Variants in COPB2 observed in about 807,000 individuals in gnomAD.
COPB2 encodes coat protein complex I subunit beta 2.
A neutral mutation model predicts 120.8 loss-of-function variants in COPB2; 16 were observed. The observed-to-expected ratio is 0.13, with a 90% CI of 0.09 to 0.20. COPB2 has a LOEUF of 0.20. Ranked by LOEUF, COPB2 falls within the 10% of genes least tolerant of loss-of-function variation. The pLI, the probability that COPB2 is intolerant of heterozygous loss-of-function variation, is 1.00. For missense variants in COPB2, 794 were observed against 1,076.5 expected (o/e 0.74, Z 3.67); for synonymous variants, 332 against 366.3 (o/e 0.91, Z 1.07).
chr3:139,377,909 A>G, intron 5 of COPB2, 132 bp downstream of exon 5: 1 of 776,842 alleles, frequency 1.3e-6, no homozygotes, highest in Non-Finnish European at 1.8e-6. Context: ...GAGAAATCCT[A>G]TTTTGACTTC....
chr3:139,360,731 A>G (rs897904158), intron 17 of COPB2, among the ~76,000 whole-genome samples: 2 of 152,174 alleles, frequency 1.3e-5, no homozygotes, highest in Non-Finnish European at 2.9e-5. Context: ...CAATTTGGGT[A>G]AAATCACCTG....
chr3:139,379,713 C>G, intron 2 of COPB2: 1 of 409,122 alleles, frequency 2.4e-6, no homozygotes, highest in Non-Finnish European at 4.4e-6. Flanking sequence ...TCCAGATCCT[C>G]TGTGCTCCAG....
chr3:139,369,409 G>A (rs1338156812), intron 11 of COPB2, 42 bp from the exon 12 acceptor site: 1 of 1,604,416 alleles, frequency 6.2e-7, no homozygotes, highest in South Asian at 1.1e-5. Context: ...GCATTTTTGA[G>A]CCATTACAAA....
chr3:139,363,950 C>T, intron 15 of COPB2, among the ~76,000 whole-genome samples: 1 of 152,168 alleles, frequency 6.6e-6, no homozygotes, highest in East Asian at 1.9e-4. Flanking sequence ...TAGTCAGATA[C>T]AGCCAAGGGC....
chr3:139,378,081 T>C lies in COPB2; in HGVS notation c.464A>G (p.Asn155Ser). 1 of 1,580,542 alleles carries C rather than the reference T, an allele frequency of 6.3e-7. No homozygotes were observed. The highest frequency in any genetic ancestry group is 8.7e-7 in the Non-Finnish European group (1 of 1,155,902). Residue 155 changes from asparagine to serine, a missense_variant, in exon 5 of 22, where the codon AAC (asparagine) becomes AGC (serine). Around this residue, in one of 3 missense-constraint regions of COPB2, gnomAD observed 610 missense variants for 866.7 expected, o/e 0.70. Coordinates refer to ENST00000333188, the MANE Select transcript of COPB2 (RefSeq NM_004766.3). ...CAAAGAGGCACTGGCAAACTGATTG[T>C]TATCTTTGGGGTTGATCACAATCTG... ...VMQIVINPKD[N>S]NQFASASLDR...
intron 7 of COPB2, 58 bp downstream of exon 7, chr3:139,374,431 C>T: frequency 1.5e-6 from 2 of 1,363,510 alleles, no homozygotes; most frequent in Non-Finnish European, 2.1e-6. Flanking sequence ...ACATTACTTG[C>T]TTTAAATGCC....
rs369668961 is a variant in COPB2 at position 139,369,280 on chromosome 3, A to G, written c.1382T>C (p.Ile461Thr). Residue 461 changes from isoleucine (I) to threonine (T), a missense_variant, in exon 12 of 22, where the codon ATT becomes ACT. Transcript: ENST00000333188. Reference protein sequence around the residue: ...DWDNTELIRRIEIQPKHIFWS... With the variant: ...DWDNTELIRRTEIQPKHIFWS... ...ACTCACATGTTTGGGCTGAATTTCA[A>G]TTCTTCGTATGAGTTCTGTATTGTC... is the stretch of plus-strand genomic sequence containing the variant. 5 of 1,607,150 alleles carry G rather than the reference A, an allele frequency of 3.1e-6. No homozygotes were observed. Among genetic ancestry groups the G allele is most frequent in the Non-Finnish European group, 4.2e-6 (5 of 1,176,682 alleles).
At chr3:139,386,497 C>T (rs1005258325) in intron 1 of COPB2, among the ~76,000 whole-genome samples, 1 of 152,168 alleles carries the variant, frequency 6.6e-6, no homozygotes, top group Non-Finnish European at 1.5e-5. Context: ...CCTTGTGATC[C>T]ACCCACCTCG....
chr3:139,384,653 A>G (rs1941881690), intron 1 of COPB2, among the ~76,000 whole-genome samples: 1 of 152,182 alleles, frequency 6.6e-6, no homozygotes, highest in Non-Finnish European at 1.5e-5. Flanking sequence ...CATACTCCCC[A>G]TTTCACCACA....
Position 139,357,887 on chromosome 3 carries a change from C to A in COPB2, c.2697G>T (p.Leu899=). Residue 899 remains leucine (L), a synonymous_variant, in exon 22 of 22, where the codon CTG becomes CTT. Coordinates refer to ENST00000333188, the MANE Select transcript of COPB2 (RefSeq NM_004766.3). ...GTCAATCATCCAAAATATCTTCATC[C>A]AGATTGATATCTGTTGTGTCAATAT... is the stretch of plus-strand genomic sequence containing the variant. ...LEDIDTTDIN[L]DEDILDD 1 of 1,587,248 alleles carries A rather than the reference C, an allele frequency of 6.3e-7. No individual in the cohort carries two copies. Among genetic ancestry groups the A allele is most frequent in the Middle Eastern group, 1.7e-4 (1 of 5,900 alleles).
In COPB2 at chr3:139,361,313, C is replaced by G; in HGVS notation, c.1996-18G>C. On this transcript the variant is annotated intron_variant, in intron 16 of 21. Coordinates refer to ENST00000333188, the MANE Select transcript of COPB2 (RefSeq NM_004766.3). ...TGTTCTGACTGTAAGAAAAGAGTTTCCAAGTTAAAATATCTTTAGAAATAA... is the reference window on the plus strand; with the variant it reads ...TGTTCTGACTGTAAGAAAAGAGTTTGCAAGTTAAAATATCTTTAGAAATAA... The G allele has an allele frequency of 6.2e-7, 1 of 1,602,706 alleles. No homozygotes were observed. The highest frequency in any genetic ancestry group is 8.5e-7 in the Non-Finnish European group (1 of 1,171,106).
chr3:139,373,942 G>C (rs1388281998), intron 7 of COPB2, 134 bp from the exon 8 acceptor site: 2 of 963,410 alleles, frequency 2.1e-6, no homozygotes, highest in African/African-American at 1.7e-5. Context: ...CCAATTTTTT[G>C]ACCTACTGTC....
intron 20 of COPB2, 50 bp from the exon 21 acceptor site, chr3:139,358,321 A>T (rs1358271451): frequency 6.7e-7 from 1 of 1,501,598 alleles, no homozygotes; most frequent in Non-Finnish European, 9.3e-7. Flanking sequence ...TTTACTCGGG[A>T]ATTTAAAGTT....
At chr3:139,389,441 C>A in intron 1 of COPB2, 107 bp downstream of exon 1, 1 of 1,370,724 alleles carries the variant, frequency 7.3e-7, no homozygotes, top group Non-Finnish European at 9.6e-7. Context: ...AGGCGGCGGC[C>A]GCAGCGGGAG....
At chr3:139,384,240 C>T (rs1490184751) in intron 1 of COPB2, among the ~76,000 whole-genome samples, 1 of 152,122 alleles carries the variant, frequency 6.6e-6, no homozygotes, top group African/African-American at 2.4e-5. Context: ...TGTTTTTCTA[C>T]CATTAAGCAT....
intron 1 of COPB2, 27 bp downstream of exon 1, chr3:139,389,521 G>C: frequency 6.4e-7 from 1 of 1,553,326 alleles, no homozygotes; most frequent in South Asian, 1.2e-5. Flanking sequence ...ATGGGACCCC[G>C]CTCCCTTCTA....
chr3:139,381,959 T>C (rs2107809468), intron 2 of COPB2: 1 of 151,576 alleles, frequency 6.6e-6, no homozygotes, highest in South Asian at 2.1e-4. Context: ...GATAAAGATC[T>C]GAAATTGTAG....
chr3:139,387,347 T>C (rs182862156), intron 1 of COPB2, among the ~76,000 whole-genome samples: 1 of 152,324 alleles, frequency 6.6e-6, no homozygotes, highest in East Asian at 1.9e-4. Context: ...TAAGTGACTA[T>C]TTTGAATAAG....
chr3:139,384,911 G>C (rs1043803512), intron 1 of COPB2: 4 of 152,154 alleles, frequency 2.6e-5, no homozygotes, highest in African/African-American at 9.7e-5. Flanking sequence ...TTAATTTGTG[G>C]ACCTCCTGAA....
Sources: allele counts gnomAD v4.1 joint callset (sites outside exome capture counted in the v4.1 genomes callset), GRCh38; gene constraint gnomAD v4.1.1; regional missense constraint gnomAD v4.1.1; transcripts MANE v1.5; gene names NCBI Gene and HGNC (gene_info 2026-07-23, HGNC 2026-07-21).